Variants in IQSEC3 observed in about 807,000 individuals in gnomAD.
IQSEC3 encodes the protein IQ motif and Sec7 domain ArfGEF 3.
In IQSEC3, 50 loss-of-function variants were observed where a neutral mutation model predicts 105.4. The ratio of observed to expected loss-of-function variants is 0.47; its 90% CI spans 0.38 to 0.60. The LOEUF (loss-of-function observed/expected upper bound fraction) is 0.60. Ranked by LOEUF, IQSEC3 falls within the 20% of genes least tolerant of loss-of-function variation. The pLI is 0.00. For synonymous variants in IQSEC3, 708 were observed against 746.0 expected (o/e 0.95, Z 0.83); for missense variants, 1,415 against 1,630.0 (o/e 0.87, Z 2.27).
At chr12:93,410 C>A (rs937198086) in intron 1 of IQSEC3, among the ~76,000 whole-genome samples, 2 of 152,214 alleles carry the variant, frequency 1.3e-5, no homozygotes, top group Admixed American at 6.5e-5. Flanking sequence ...GAGATCCCGT[C>A]CCTTCCTGTC....
At chr12:171,556 A>G in intron 13 of IQSEC3, 1 of 587,818 alleles carries the variant, frequency 1.7e-6, no homozygotes, top group South Asian at 2.1e-5. Flanking sequence ...CCGTTCCCCA[A>G]GTCCTCCCAC....
intron 5 of IQSEC3, chr12:144,672 C>G (rs1206113584): frequency 6.6e-6 from 1 of 152,222 alleles, no homozygotes; most frequent in African/African-American, 2.4e-5. Context: ...GAATTCGGCC[C>G]TCAGCGCTCT....
At chr12:124,708 C>A (rs114121755) in intron 2 of IQSEC3, among the ~76,000 whole-genome samples, 1 of 152,218 alleles carries the variant, frequency 6.6e-6, no homozygotes, top group South Asian at 2.1e-4. Flanking sequence ...AAGCTGCAGT[C>A]GTCCAGGAAG....
In IQSEC3 at chr12:175,124, C is replaced by A. The variant is rs558967179; in HGVS notation, c.*91C>A. On this transcript the variant is annotated 3_prime_UTR_variant, in exon 14 of 14. Transcript: ENST00000538872. Reference sequence around the variant, plus strand: ...CTGCTCCCCATACCCTGGCACGATGCGTTCCTGGTCACTGATCACCATCAT... The same window carrying A: ...CTGCTCCCCATACCCTGGCACGATGAGTTCCTGGTCACTGATCACCATCAT... 3.0e-6 allele frequency: 3 copies of A among 992,248 alleles called. No individual in the cohort carries two copies. Among genetic ancestry groups the A allele is most frequent in the South Asian group, 1.8e-5 (1 of 56,178 alleles). 61.5% of individuals were successfully genotyped at this position (992,248 alleles called of 1,614,324 possible).
intron 2 of IQSEC3, among the ~76,000 whole-genome samples, chr12:117,027 A>C (rs1366110931): frequency 6.6e-6 from 1 of 152,202 alleles, no homozygotes; most frequent in Non-Finnish European, 1.5e-5. Flanking sequence ...AAAATACCTC[A>C]TAATAAAAGA....
chr12:118,221 G>A (rs768841824), intron 2 of IQSEC3, among the ~76,000 whole-genome samples: 1 of 152,162 alleles, frequency 6.6e-6, no homozygotes, highest in Admixed American at 6.5e-5. Flanking sequence ...TCCAGCTCGG[G>A]CTTCGAATCA....
intron 8 of IQSEC3, among the ~76,000 whole-genome samples, chr12:162,576 T>C (rs1358019292): frequency 6.6e-6 from 1 of 152,206 alleles, no homozygotes; most frequent in African/African-American, 2.4e-5. Flanking sequence ...AAGGATGTCA[T>C]GGGGGTTCCA....
Position 139,305 on chromosome 12 carries a change from G to A in IQSEC3, c.1942G>A (p.Asp648Asn), listed in dbSNP as rs1555088386. The change falls in exon 4 of 14, where the codon GAC becomes AAC. Residue 648 changes from aspartate to asparagine, a missense_variant. By Grantham distance (23) the Asp-to-Asn change is conservative. This residue lies in a region of IQSEC3 where 213 missense variants were observed against 306.2 expected (regional missense o/e 0.70). Transcript: ENST00000538872. The part of the protein sequence containing the change: ...ASCKSPTLST[D>N]TLRKRLYRIG... ...CTGCAAGTCGCCCACGCTCTCCACC[G>A]ACACCCTGCGCAAGCGGCTCTACCG... The A allele has an allele frequency of 6.2e-7, 1 of 1,600,252 alleles. No individual in the cohort carries two copies. Among genetic ancestry groups the A allele is most frequent in the Non-Finnish European group, 8.5e-7 (1 of 1,174,302 alleles).
intron 3 of IQSEC3, among the ~76,000 whole-genome samples, chr12:133,803 T>C (rs1270026423): frequency 6.6e-6 from 1 of 151,018 alleles, no homozygotes; most frequent in East Asian, 1.9e-4. Context: ...GGTCAGCATC[T>C]GGCATTTGCT....
intron 8 of IQSEC3, 114 bp downstream of exon 8, chr12:162,179 G>A: frequency 8.2e-7 from 1 of 1,216,506 alleles, no homozygotes; most frequent in Non-Finnish European, 1.2e-6. Flanking sequence ...TCATTCACAT[G>A]ATAGTTATGA....
intron 1 of IQSEC3, among the ~76,000 whole-genome samples, chr12:88,874 T>A (rs1200840716): frequency 3.9e-5 from 6 of 152,200 alleles, no homozygotes; most frequent in African/African-American, 1.4e-4. Flanking sequence ...GCTGAGTTTC[T>A]CAGTAGCAGA....
rs148637226 is a variant in IQSEC3, at chr12:135,116, C to T, written c.904-3151C>T. Among the ~76,000 whole-genome samples the T allele has an allele frequency of 1.0e-3, 153 of 152,046 alleles. 3 individuals carry two copies. In the East Asian group the frequency reaches 0.027, roughly 27 times the overall value. On this transcript the variant is annotated intron_variant, in intron 3 of 13. Transcript: ENST00000538872. Reference sequence around the variant, plus strand: ...CTGCACTCCAGCCTGGGTGACAGAGCGGGACTCCATCTCAAAGAAAAAAAA... The same window carrying T: ...CTGCACTCCAGCCTGGGTGACAGAGTGGGACTCCATCTCAAAGAAAAAAAA...
At chr12:130,630 C>T (rs536168138) in intron 3 of IQSEC3, among the ~76,000 whole-genome samples, 87 of 152,322 alleles carry the variant, frequency 5.7e-4, no homozygotes, top group African/African-American at 2.1e-3. Context: ...ACTAGCTGAG[C>T]CATAGCGTGT....
intron 5 of IQSEC3, chr12:142,345 A>G (rs1866065571): frequency 6.6e-6 from 1 of 152,206 alleles, no homozygotes; most frequent in Non-Finnish European, 1.5e-5. Context: ...CTGTGTGCCC[A>G]TATTGAGAAG....
At position 94,637 on chromosome 12, in the gene IQSEC3, G is replaced by A. The variant is rs181827780; in HGVS notation, c.555-4509G>A. Among the ~76,000 whole-genome samples, 638 of 152,332 alleles carry A rather than the reference G, an allele frequency of 4.2e-3. 5 individuals carry two copies. The highest frequency in any genetic ancestry group is 0.014 in the African/African-American group (576 of 41,580). On this transcript the variant is annotated intron_variant, in intron 1 of 13. Transcript: ENST00000538872. ...AGCCCAAGGTGCTGCAGGTCTTGGGGGCATTCAGTTACCCATCACATGTGT... is the reference window on the plus strand; with the variant it reads ...AGCCCAAGGTGCTGCAGGTCTTGGGAGCATTCAGTTACCCATCACATGTGT...
intron 3 of IQSEC3, among the ~76,000 whole-genome samples, chr12:129,747 G>T (rs1288543348): frequency 6.6e-6 from 1 of 152,132 alleles, no homozygotes; most frequent in Non-Finnish European, 1.5e-5. Flanking sequence ...CTGTGGAGTT[G>T]CAGTCAGTAG....
chr12:110,158 AC>A (rs1864831632), intron 2 of IQSEC3, among the ~76,000 whole-genome samples: 1 of 151,598 alleles, frequency 6.6e-6, no homozygotes, highest in African/African-American at 2.4e-5. Context: ...TTTCTTTTTT[AC>A]TTTTTCTCTT....
chr12:134,519 G>A (rs1359495356), intron 3 of IQSEC3, among the ~76,000 whole-genome samples: 1 of 152,248 alleles, frequency 6.6e-6, no homozygotes, highest in African/African-American at 2.4e-5. Context: ...TCCCTGTGTT[G>A]CCAACAGCAT....
intron 13 of IQSEC3, among the ~76,000 whole-genome samples, chr12:172,123 C>A (rs1939034367): frequency 6.6e-6 from 1 of 152,146 alleles, no homozygotes; most frequent in Non-Finnish European, 1.5e-5. Flanking sequence ...GAGGGGCCCC[C>A]ATTAGGTGTC....
Sources: gnomAD v4.1 joint callset for allele counts (sites outside exome capture counted in the v4.1 genomes callset) on GRCh38, gnomAD v4.1.1 for gene constraint, gnomAD v4.1.1 regional missense constraint, MANE v1.5 for transcripts, NCBI Gene and HGNC (gene_info 2026-07-23, HGNC 2026-07-21) for gene names.